ITM2C: variants seen among roughly 807,000 people sequenced by gnomAD.
The protein encoded by ITM2C is integral membrane protein 2C.
Under a neutral mutation model 30.0 loss-of-function variants are expected in ITM2C, and 20 were observed. That is an observed-to-expected ratio of 0.67 (90% CI 0.47 to 0.97). The LOEUF (loss-of-function observed/expected upper bound fraction) is 0.97. Among genes scored for constraint, ITM2C ranks in the 50% least tolerant of loss-of-function variants. ITM2C has a pLI of 0.00. For missense variants in ITM2C, 366 were observed against 371.9 expected (o/e 0.98, Z 0.13); for synonymous variants, 167 against 156.4 (o/e 1.07, Z -0.51).
At chr2:230,876,399 G>A (rs1254321078) in intron 3 of ITM2C, among the ~76,000 whole-genome samples, 1 of 152,144 alleles carries the variant, frequency 6.6e-6, no homozygotes, top group Non-Finnish European at 1.5e-5. Flanking sequence ...GCCCGCCCAG[G>A]TATTGAGGAG....
rs1246739355 is a variant in ITM2C at position 230,876,867 on chromosome 2, C to T, written c.461C>T (p.Ala154Val). The change falls in exon 4 of 6, where the codon GCG (alanine) becomes GTG (valine). Residue 154 changes from alanine to valine, a missense_variant. By Grantham distance (64) the Ala-to-Val change is moderately conservative. Coordinates refer to ENST00000326427, the MANE Select transcript of ITM2C (RefSeq NM_030926.6). ...CCCTTCTCCTGCCAGGGTCTGACTG[C>T]GTACCATGATATCTCCCTGGACAAG... is the stretch of plus-strand genomic sequence containing the variant. ...IIHDFQRGLT[A>V]YHDISLDKCY... 8 of 1,612,004 alleles carry T rather than the reference C, an allele frequency of 5.0e-6. No individual in the cohort carries two copies. Among genetic ancestry groups the T allele is most frequent in the South Asian group, 1.1e-5 (1 of 91,036 alleles).
chr2:230,865,256 G>C lies in ITM2C; in HGVS notation c.120+111G>C, dbSNP rs1005448669. On this transcript the variant is annotated intron_variant, in intron 1 of 5. Transcript: ENST00000326427. This position sits in a 1 kb window ranked among gnomAD's most constrained non-coding sequence, Gnocchi z 6.8. ...AGGCGCGTCAGGGCCCCAGAGCCCGGGGTGGAGCAGGGTTGGGAAGTCTCG... is the reference window on the plus strand; with the variant it reads ...AGGCGCGTCAGGGCCCCAGAGCCCGCGGTGGAGCAGGGTTGGGAAGTCTCG... 3.6e-5 allele frequency: 41 copies of C among 1,137,894 alleles called. No homozygotes were observed. The highest frequency in any genetic ancestry group is 4.4e-5 in the Non-Finnish European group (39 of 882,674). The allele number at this position is 1,137,894 out of a possible 1,614,324, so 70.5% of individuals were successfully genotyped here.
rs116524547 is a variant in ITM2C, at chr2:230,877,681, C to T, written c.712+131C>T. 9.1e-4 allele frequency: 863 copies of T among 948,026 alleles called. 4 individuals carry two copies. In the African/African-American group the frequency reaches 0.012, roughly 14 times the overall value. 58.7% of individuals were successfully genotyped at this position (948,026 alleles called of 1,614,324 possible). On this transcript the variant is annotated intron_variant, in intron 5 of 5. Transcript: ENST00000326427. This position sits in a 1 kb window ranked among gnomAD's most constrained non-coding sequence, Gnocchi z 4.8. Reference sequence around the variant, plus strand: ...ACAGCTAGCATTAGCAGAGCACTTCCGTGTGCCGGGCAATGCTGTGTGCTC... The same window carrying T: ...ACAGCTAGCATTAGCAGAGCACTTCTGTGTGCCGGGCAATGCTGTGTGCTC...
At chr2:230,869,415 C>G (rs1164665870) in intron 1 of ITM2C, among the ~76,000 whole-genome samples, 1 of 152,168 alleles carries the variant, frequency 6.6e-6, no homozygotes, top group Non-Finnish European at 1.5e-5. Flanking sequence ...TCCTCTCCCC[C>G]AGCTAGGCTC....
chr2:230,864,854 GGC>G, upstream of ITM2C: 1 of 807,596 alleles, frequency 1.2e-6, no homozygotes, highest in Non-Finnish European at 1.6e-6. The surrounding 1 kb of genome is among the most constrained non-coding windows in gnomAD (Gnocchi z 4.3). Context: ...AGGCGCGGCG[GGC>G]GCCGGGGCCC....
At chr2:230,876,568 G>T (rs978363160) in intron 3 of ITM2C, among the ~76,000 whole-genome samples, 1 of 152,014 alleles carries the variant, frequency 6.6e-6, no homozygotes, top group African/African-American at 2.4e-5. Flanking sequence ...TGCAAGCTCC[G>T]CCTCCTGGGT....
rs190884494 is a variant in ITM2C at position 230,867,984 on chromosome 2, G to A, written c.120+2839G>A. 4.6e-5 allele frequency among the ~76,000 whole-genome samples: 7 copies of A among 151,674 alleles called. No homozygotes were observed. In the South Asian group the frequency reaches 6.3e-4, roughly 14 times the overall value. On this transcript the variant is annotated intron_variant, in intron 1 of 5. Coordinates refer to ENST00000326427, the MANE Select transcript of ITM2C (RefSeq NM_030926.6). ...CAAAACAAGATGTAAAAAGTGATCC[G>A]CAGGAGGAGCACTCGGTGAACAGAT... is the stretch of plus-strand genomic sequence containing the variant.
At position 230,877,661 on chromosome 2, in the gene ITM2C, T is replaced by A; in HGVS notation, c.712+111T>A. On this transcript the variant is annotated intron_variant, in intron 5 of 5. Coordinates refer to ENST00000326427, the MANE Select transcript of ITM2C (RefSeq NM_030926.6). This position sits in a 1 kb window ranked among gnomAD's most constrained non-coding sequence, Gnocchi z 4.8. The stretch of plus-strand genomic sequence containing the variant: ...CTCAGATAGCAGCAGCAATAACAGC[T>A]AGCATTAGCAGAGCACTTCCGTGTG... 2 of 1,176,992 alleles carry A rather than the reference T, an allele frequency of 1.7e-6. No homozygotes were observed. The highest frequency in any genetic ancestry group is 2.5e-6 in the Non-Finnish European group (2 of 816,252). 72.9% of individuals were successfully genotyped at this position (1,176,992 alleles called of 1,614,324 possible). A position where few individuals can be genotyped will look rare whatever the true frequency, so the allele number is the denominator to read the frequency against.
rs1697328816 is a variant in ITM2C, at chr2:230,877,329, G to A, written c.562-71G>A. On this transcript the variant is annotated intron_variant, in intron 4 of 5. Transcript: ENST00000326427. This position sits in a 1 kb window ranked among gnomAD's most constrained non-coding sequence, Gnocchi z 4.8. ...GGCCTCTGGAGGAGGGAGGTGGGCT[G>A]GCATTTCGGGCGAGGGGTTGGACGA... 6 of 1,519,872 alleles carry A rather than the reference G, an allele frequency of 3.9e-6. No homozygotes were observed. In the Admixed American group the frequency reaches 8.6e-5, roughly 22 times the overall value. 94.1% of individuals were successfully genotyped at this position (1,519,872 alleles called of 1,614,324 possible).
At chr2:230,868,116 T>C (rs374495245) in intron 1 of ITM2C, among the ~76,000 whole-genome samples, 18 of 152,066 alleles carry the variant, frequency 1.2e-4, no homozygotes, top group African/African-American at 4.3e-4. Flanking sequence ...GAGCACCCTC[T>C]CGGTGGGCAC....
At chr2:230,872,213 C>T (rs770773136) in intron 1 of ITM2C, among the ~76,000 whole-genome samples, 2 of 152,212 alleles carry the variant, frequency 1.3e-5, no homozygotes, top group African/African-American at 2.4e-5. Context: ...TGCGGCAGTC[C>T]GCAGGGACTG....
chr2:230,867,011 G>C (rs1697043033), intron 1 of ITM2C, among the ~76,000 whole-genome samples: 1 of 152,160 alleles, frequency 6.6e-6, no homozygotes, highest in Admixed American at 6.5e-5. Context: ...GAAATTGAGC[G>C]TCCTTTCTTC....
intron 1 of ITM2C, among the ~76,000 whole-genome samples, chr2:230,871,547 G>C (rs1866231): frequency 0.03 from 4,567 of 152,350 alleles, 233 homozygotes; most frequent in African/African-American, 0.1. Context: ...AGTGCCCCTG[G>C]CTGCTGAGGA....
Position 230,878,316 on chromosome 2 carries a change from G to A in ITM2C, c.*217G>A, listed in dbSNP as rs897203896. On this transcript the variant is annotated 3_prime_UTR_variant, in exon 6 of 6. Transcript: ENST00000326427. This position sits in a 1 kb window ranked among gnomAD's most constrained non-coding sequence, Gnocchi z 4.5. ...CTCTGCTGACCTGGGTGTGGCGGAG[G>A]GAGAGGCGATGCTGCAAAGTGTTTT... 3.3e-5 allele frequency: 12 copies of A among 367,764 alleles called. No homozygotes were observed. The highest frequency in any genetic ancestry group is 4.9e-5 in the Non-Finnish European group (10 of 203,992). The allele number at this position is 367,764 out of a possible 1,614,324, so 22.8% of individuals were successfully genotyped here. A position where few individuals can be genotyped will look rare whatever the true frequency, so the allele number is the denominator to read the frequency against.
Position 230,877,321 on chromosome 2 carries a change from G to C in ITM2C, c.562-79G>C, listed in dbSNP as rs1697328608. 1.4e-6 allele frequency: 2 copies of C among 1,456,626 alleles called. No individual in the cohort carries two copies. The highest frequency in any genetic ancestry group is 2.3e-5 in the East Asian group (1 of 44,002). 90.2% of individuals were successfully genotyped at this position (1,456,626 alleles called of 1,614,324 possible). A position where few individuals can be genotyped will look rare whatever the true frequency, so the allele number is the denominator to read the frequency against. The stretch of plus-strand genomic sequence containing the variant: ...AGCCCAGGGGCCTCTGGAGGAGGGA[G>C]GTGGGCTGGCATTTCGGGCGAGGGG... On this transcript the variant is annotated intron_variant, in intron 4 of 5. Transcript: ENST00000326427. The surrounding 1 kb of genome is among the most constrained non-coding windows in gnomAD (Gnocchi z 4.8).
intron 1 of ITM2C, among the ~76,000 whole-genome samples, chr2:230,870,035 G>A (rs1697126179): frequency 6.6e-6 from 1 of 152,260 alleles, no homozygotes; most frequent in African/African-American, 2.4e-5. Flanking sequence ...TGCGGCTGGG[G>A]TCTCAGGAAG....
Position 230,877,421 on chromosome 2 carries a change from A to G in ITM2C, c.583A>G (p.Thr195Ala). The G allele has an allele frequency of 6.2e-7, 1 of 1,613,966 alleles. No homozygotes were observed. The highest frequency in any genetic ancestry group is 8.5e-7 in the Non-Finnish European group (1 of 1,179,988). The change falls in exon 5 of 6, where the codon ACG becomes GCG. Residue 195 changes from threonine to alanine, a missense_variant. Thr to Ala is a moderately conservative substitution (Grantham distance 58). Transcript: ENST00000326427. The surrounding 1 kb of genome is among the most constrained non-coding windows in gnomAD (Gnocchi z 4.8). The stretch of plus-strand genomic sequence containing the variant: ...GCAGAGGGGGACCTACCTGCCGCAG[A>G]CGTACATCATCCAGGAGGAGATGGT... Reference protein sequence around the residue: ...NVKRGTYLPQTYIIQEEMVVT... With the variant: ...NVKRGTYLPQAYIIQEEMVVT...
chr2:230,874,392 C>T (rs1214193427), intron 2 of ITM2C, among the ~76,000 whole-genome samples: 2 of 152,162 alleles, frequency 1.3e-5, no homozygotes, highest in African/African-American at 2.4e-5. Flanking sequence ...CCCTCCATGG[C>T]CTGCGTCCCC....
chr2:230,873,599 G>A, intron 2 of ITM2C, 42 bp downstream of exon 2: 1 of 1,568,676 alleles, frequency 6.4e-7, no homozygotes, highest in Non-Finnish European at 8.6e-7. Context: ...TCGAGAAAGG[G>A]TCATGTCTAG....
Sources: allele counts gnomAD v4.1 joint callset (sites outside exome capture counted in the v4.1 genomes callset), GRCh38; gene constraint gnomAD v4.1.1; non-coding constraint Gnocchi (gnomAD v3.1); transcripts MANE v1.5; gene names NCBI Gene and HGNC (gene_info 2026-07-23, HGNC 2026-07-21).